Variants in USP29 observed in about 807,000 individuals in gnomAD.
The protein encoded by USP29 is ubiquitin specific peptidase 29.
For synonymous variants in USP29, 386 were observed against 387.4 expected (o/e 1.00, Z 0.04); for missense variants, 1,102 against 1,069.0 (o/e 1.03, Z -0.43).
In USP29 at chr19:57,129,127, C is replaced by A; in HGVS notation, c.452C>A (p.Ser151Ter). The change falls in exon 4 of 4, where the codon TCA becomes TAA. Residue 151 changes from serine to a stop codon, truncating the protein, a stop_gained. Transcript: ENST00000254181. LOFTEE classifies it low-confidence loss of function (END_TRUNC). ...PSYQKMPLFM[S>*]KSPTHVKKGI... ...TATCAGAAGATGCCTTTGTTTATGT[C>A]AAAATCACCAACACATGTGAAAAAG... The A allele has an allele frequency of 6.2e-7, 1 of 1,613,024 alleles. No homozygotes were observed. The highest frequency in any genetic ancestry group is 8.5e-7 in the Non-Finnish European group (1 of 1,179,622).
Position 57,131,057 on chromosome 19 carries a change from C to T in USP29, c.2382C>T (p.Asn794=), listed in dbSNP as rs962039479. 1.8e-5 allele frequency: 29 copies of T among 1,613,884 alleles called. No individual in the cohort carries two copies. The highest frequency in any genetic ancestry group is 2.1e-5 in the Non-Finnish European group (25 of 1,179,976). ...CACTGGGTTCTGACAACCCAGGAAA[C>T]AAAAACATTTTAGATGCAGAGAACA... is the stretch of plus-strand genomic sequence containing the variant. ...LGALGSDNPG[N]KNILDAENTR... The change falls in exon 4 of 4, where the codon AAC becomes AAT. Residue 794 remains asparagine, a synonymous_variant. Coordinates refer to ENST00000254181, the MANE Select transcript of USP29 (RefSeq NM_020903.3).
rs764765910 is a variant in USP29, at chr19:57,128,704, T to C, written c.29T>C (p.Ile10Thr). Reference protein sequence around the residue: MISLKVCGFIQIWSQKTGMT... With the variant: MISLKVCGFTQIWSQKTGMT... ...ATATCTCTAAAGGTATGTGGATTCATCCAAATTTGGAGCCAGAAGACTGGG... is the reference window on the plus strand; with the variant it reads ...ATATCTCTAAAGGTATGTGGATTCACCCAAATTTGGAGCCAGAAGACTGGG... Residue 10 changes from isoleucine (I) to threonine (T), a missense_variant, in exon 4 of 4, where the codon ATC becomes ACC. Ile to Thr is a moderately conservative substitution (Grantham distance 89, BLOSUM62 -1). Transcript: ENST00000254181. 65 of 1,601,348 alleles carry C rather than the reference T, an allele frequency of 4.1e-5. No individual in the cohort carries two copies. The highest frequency in any genetic ancestry group is 5.5e-5 in the Non-Finnish European group (65 of 1,176,476).
chr19:57,131,456 G>A lies in USP29; in HGVS notation c.*12G>A, dbSNP rs115181243. 1,702 of 1,587,856 alleles carry A rather than the reference G, an allele frequency of 1.1e-3. 14 individuals carry two copies. The African/African-American group carries it at 0.019, about 17-fold the overall frequency. On this transcript the variant is annotated 3_prime_UTR_variant, in exon 4 of 4. Transcript: ENST00000254181. The stretch of plus-strand genomic sequence containing the variant: ...ACAGACCTGCTTGACAGACTCACTC[G>A]GCCTCACTTCATCCTTGCAAAGAGA...
chr19:57,120,788 CAAAAAAAAAAAAAA>C (rs71293954), intron 1 of USP29, among the ~76,000 whole-genome samples: 4 of 31,146 alleles, frequency 1.3e-4, no homozygotes, highest in Non-Finnish European at 1.7e-4. Context: ...GACTCCGTCT[CAAAAAAAAAAAAAA>C]AAAAAAAAAA....
In USP29 at chr19:57,130,987, C is replaced by G; in HGVS notation, c.2312C>G (p.Ser771Cys). Reference sequence around the variant, plus strand: ...CATACAGAAGAGACCCTCAATCAGTCTACAGAATTAAGACTTCAAAAGGCT... The same window carrying G: ...CATACAGAAGAGACCCTCAATCAGTGTACAGAATTAAGACTTCAAAAGGCT... ...QEHTEETLNQ[S>C]TELRLQKADL... Residue 771 changes from serine (S) to cysteine (C), a missense_variant, in exon 4 of 4, where the codon TCT (serine) becomes TGT (cysteine). Physicochemically the swap from Ser to Cys is moderately radical, Grantham distance 112. Transcript: ENST00000254181. 1 of 1,614,180 alleles carries G rather than the reference C, an allele frequency of 6.2e-7. No homozygotes were observed. The highest frequency in any genetic ancestry group is 8.5e-7 in the Non-Finnish European group (1 of 1,180,026).
chr19:57,128,626 T>G, intron 3 of USP29, 34 bp from the exon 4 acceptor site: 1 of 1,511,022 alleles, frequency 6.6e-7, no homozygotes, highest in South Asian at 1.4e-5. Flanking sequence ...TAATATATTC[T>G]TGGTTAAAAT....
chr19:57,125,582 C>T lies in USP29; in HGVS notation c.-17+1443C>T, dbSNP rs754106757. On this transcript the variant is annotated intron_variant, in intron 3 of 3. Coordinates refer to ENST00000254181, the MANE Select transcript of USP29 (RefSeq NM_020903.3). ...TCTGTTTTATCAGAGACTAGGATTG[C>T]AACCCATCCTTTTTTTTGCTTTCCA... 5.6e-4 allele frequency among the ~76,000 whole-genome samples: 84 copies of T among 149,768 alleles called. No homozygotes were observed. In the Middle Eastern group the frequency reaches 0.01, roughly 18 times the overall value.
At chr19:57,128,102 C>T (rs2086833284) in intron 3 of USP29, among the ~76,000 whole-genome samples, 1 of 152,148 alleles carries the variant, frequency 6.6e-6, no homozygotes, top group African/African-American at 2.4e-5. Flanking sequence ...GCACCCACTG[C>T]CTAACTAGTC....
chr19:57,119,919 T>C (rs1238801792), upstream of USP29: 1 of 152,274 alleles, frequency 6.6e-6, no homozygotes, highest in Non-Finnish European at 1.5e-5. Context: ...CTAGAGCCCG[T>C]ACCTAGACCC....
At chr19:57,124,320 T>C (rs541296555) in intron 3 of USP29, among the ~76,000 whole-genome samples, 181 bp downstream of exon 3, 47 of 151,662 alleles carry the variant, frequency 3.1e-4, no homozygotes, top group African/African-American at 1.1e-3. Context: ...CTGTTTGTGT[T>C]TTGAGATGTC....
intron 3 of USP29, among the ~76,000 whole-genome samples, chr19:57,126,824 TG>T (rs2086826725): frequency 6.6e-6 from 1 of 152,170 alleles, no homozygotes; most frequent in South Asian, 2.1e-4. Flanking sequence ...TGCGATCATT[TG>T]GAGAAGAGAC....
intron 2 of USP29, among the ~76,000 whole-genome samples, chr19:57,122,834 A>G (rs2086805121): frequency 6.6e-6 from 1 of 152,048 alleles, no homozygotes; most frequent in African/African-American, 2.4e-5. Context: ...ATGATCTCTA[A>G]TTTTTGTGAT....
At chr19:57,123,552 G>C (rs771581962) in intron 2 of USP29, among the ~76,000 whole-genome samples, 1 of 152,104 alleles carries the variant, frequency 6.6e-6, no homozygotes, top group Non-Finnish European at 1.5e-5. Flanking sequence ...AGCAGTAAGC[G>C]GTGAAGCCGG....
chr19:57,125,111 G>A (rs952235435), intron 3 of USP29, among the ~76,000 whole-genome samples: 11 of 152,182 alleles, frequency 7.2e-5, no homozygotes, highest in African/African-American at 2.7e-4. Flanking sequence ...ACTCAGGAGG[G>A]TTGAGTTTCA....
chr19:57,128,380 ATT>A (rs2086834542), intron 3 of USP29, among the ~76,000 whole-genome samples: 1 of 151,740 alleles, frequency 6.6e-6, no homozygotes, highest in Non-Finnish European at 1.5e-5. Flanking sequence ...CCAAATTTGT[ATT>A]TTCTCGATGA....
rs147501741 is a variant in USP29, at chr19:57,129,013, C to G, written c.338C>G (p.Ser113Cys). Reference protein sequence around the residue: ...HQNKSQQPMKSDDDWSVFESR... With the variant: ...HQNKSQQPMKCDDDWSVFESR... ...AACAAATCTCAGCAACCCATGAAATCTGATGATGATTGGAGTGTGTTTGAA... is the reference window on the plus strand; with the variant it reads ...AACAAATCTCAGCAACCCATGAAATGTGATGATGATTGGAGTGTGTTTGAA... Residue 113 changes from serine to cysteine, a missense_variant, in exon 4 of 4, where the codon TCT becomes TGT. Physicochemically the swap from Ser to Cys is moderately radical, Grantham distance 112. Coordinates refer to ENST00000254181, the MANE Select transcript of USP29 (RefSeq NM_020903.3). 2.5e-6 allele frequency: 4 copies of G among 1,614,118 alleles called. No individual in the cohort carries two copies. The highest frequency in any genetic ancestry group is 2.2e-5 in the East Asian group (1 of 44,862).
rs756677087 is a variant in USP29 at position 57,130,060 on chromosome 19, C to A, written c.1385C>A (p.Thr462Lys). The A allele has an allele frequency of 6.2e-7, 1 of 1,613,536 alleles. No homozygotes were observed. The highest frequency in any genetic ancestry group is 8.5e-7 in the Non-Finnish European group (1 of 1,179,810). ...NYLSINLHQE[T>K]KPLPLSIQNS... ...CTCTCCATCAACCTGCACCAAGAAA[C>A]AAAACCACTTCCTTTGTCCATTCAG... Residue 462 changes from threonine to lysine, a missense_variant, in exon 4 of 4, where the codon ACA (threonine) becomes AAA (lysine). Physicochemically the swap from Thr to Lys is moderately conservative, Grantham distance 78. Transcript: ENST00000254181.
Position 57,128,904 on chromosome 19 carries a change from A to G in USP29, c.229A>G (p.Lys77Glu), listed in dbSNP as rs2086837758. ...KRQSHLRLTLKNNVFLFIDKL... is the reference protein window; with the variant it reads ...KRQSHLRLTLENNVFLFIDKL... ...ACAAAGTCACCTGCGTTTAACTTTG[A>G]AAAACAACGTGTTCTTGTTTATTGA... The change falls in exon 4 of 4, where the codon AAA becomes GAA. Residue 77 changes from lysine to glutamate, a missense_variant. By Grantham distance (56) the Lys-to-Glu change is moderately conservative. Coordinates refer to ENST00000254181, the MANE Select transcript of USP29 (RefSeq NM_020903.3). 1.9e-6 allele frequency: 3 copies of G among 1,613,784 alleles called. No homozygotes were observed. The highest frequency in any genetic ancestry group is 2.2e-5 in the East Asian group (1 of 44,832).
intron 3 of USP29, 139 bp downstream of exon 3, chr19:57,124,278 T>A (rs555888641): frequency 6.6e-6 from 1 of 151,746 alleles, no homozygotes; most frequent in East Asian, 1.9e-4. Flanking sequence ...AGGGAGCAAA[T>A]TCAGAGAGAT....
Sources: gnomAD v4.1 joint callset for allele counts (sites outside exome capture counted in the v4.1 genomes callset) on GRCh38, gnomAD v4.1.1 for gene constraint, MANE v1.5 for transcripts, NCBI Gene and HGNC (gene_info 2026-07-23, HGNC 2026-07-21) for gene names.